CTSC: variants seen among roughly 807,000 people sequenced by gnomAD.
CTSC encodes the protein cathepsin C.
A neutral mutation model predicts 40.9 loss-of-function variants in CTSC; 37 were observed. That is an observed-to-expected ratio of 0.91 (90% CI 0.70 to 1.19). CTSC has a LOEUF of 1.19. CTSC is among the 50% of genes most tolerant of loss of function. The probability of loss-of-function intolerance (pLI) is 0.00; values close to 1 mark genes in which losing one functional copy is unlikely to be tolerated. For missense variants in CTSC, 594 were observed against 567.3 expected, an observed-to-expected ratio of 1.05 and a Z score of -0.48; for synonymous variants, 232 against 207.4, an observed-to-expected ratio of 1.12 and a Z score of -1.02.
chr11:88,298,287 G>A (rs1298737750), intron 5 of CTSC: 1 of 152,140 alleles, frequency 6.6e-6, no homozygotes, highest in African/African-American at 2.4e-5. Flanking sequence ...CAGCATAGCT[G>A]GGAGAAGAAC....
At chr11:88,327,503 G>A (rs901114622) in intron 2 of CTSC, among the ~76,000 whole-genome samples, 3 of 152,142 alleles carry the variant, frequency 2.0e-5, no homozygotes, top group African/African-American at 7.2e-5. Flanking sequence ...GATCCAGTGT[G>A]AGCAATGATT....
At chr11:88,304,354 C>A (rs1157932108) in intron 4 of CTSC, among the ~76,000 whole-genome samples, 2 of 152,096 alleles carry the variant, frequency 1.3e-5, no homozygotes, top group Admixed American at 6.5e-5. Flanking sequence ...ACATTCATAT[C>A]ATTAACAGGA....
chr11:88,335,087 A>AC lies in CTSC; in HGVS notation c.173-6_173-5insG. ...CTACTTTTTTTTCTTGTGGTCCTAA[A>AC]GAAAAAAAAAAAAAGCACAATAAAG... On this transcript the variant is annotated splice_polypyrimidine_tract_variant and splice_region_variant and intron_variant, in intron 1 of 6. Transcript: ENST00000227266. 13 of 1,577,602 alleles carry AC rather than the reference A, an allele frequency of 8.2e-6. No individual in the cohort carries two copies. Among genetic ancestry groups the AC allele is most frequent in the South Asian group, 2.3e-5 (2 of 88,730 alleles).
At chr11:88,330,140 T>A (rs1312525820) in intron 2 of CTSC, among the ~76,000 whole-genome samples, 2 of 152,224 alleles carry the variant, frequency 1.3e-5, no homozygotes, top group East Asian at 1.9e-4. Flanking sequence ...TCTTTTGTTT[T>A]GGCCAGCCCA....
intron 2 of CTSC, among the ~76,000 whole-genome samples, chr11:88,330,087 C>T (rs1333063174): frequency 6.6e-6 from 1 of 152,162 alleles, no homozygotes; most frequent in Non-Finnish European, 1.5e-5. Flanking sequence ...GTAAATGCTA[C>T]TAAAATCTGA....
rs375115057 is a variant in CTSC at position 88,326,871 on chromosome 11, C to G, written c.318+8066G>C. Reference sequence around the variant, plus strand: ...TACACAACAAATTACCAGGGTTTATCTTTTCTACTGGTGGAGCGGTCTCCC... The same window carrying G: ...TACACAACAAATTACCAGGGTTTATGTTTTCTACTGGTGGAGCGGTCTCCC... On this transcript the variant is annotated intron_variant, in intron 2 of 6. Transcript: ENST00000227266. Among the ~76,000 whole-genome samples, 5 of 152,236 alleles carry G rather than the reference C, an allele frequency of 3.3e-5. No individual in the cohort carries two copies. The East Asian group carries it at 7.7e-4, about 23-fold the overall frequency.
chr11:88,299,559 A>T (rs1167068059), intron 5 of CTSC: 2 of 152,238 alleles, frequency 1.3e-5, no homozygotes, highest in African/African-American at 4.8e-5. Flanking sequence ...ACACTGCAAG[A>T]ATTCAGTGAG....
chr11:88,307,290 G>A (rs1937655756), intron 4 of CTSC, among the ~76,000 whole-genome samples: 2 of 152,188 alleles, frequency 1.3e-5, no homozygotes, highest in South Asian at 4.2e-4. Flanking sequence ...TTAGTCACAT[G>A]ATCCTAAAGC....
chr11:88,307,065 T>G (rs1180778315), intron 4 of CTSC, among the ~76,000 whole-genome samples: 3 of 152,216 alleles, frequency 2.0e-5, no homozygotes, highest in Non-Finnish European at 4.4e-5. Context: ...AAGGGAACTC[T>G]CACATTTCAA....
intron 5 of CTSC, chr11:88,297,211 C>T (rs966776720): frequency 6.6e-6 from 1 of 152,184 alleles, no homozygotes; most frequent in Non-Finnish European, 1.5e-5. Context: ...AGTCACTAGA[C>T]AGGGCAAAAT....
rs756192591 is a variant in CTSC at position 88,328,347 on chromosome 11, G to A, written c.318+6590C>T. ...TACTCTTACAAGTAAACCCAAAGTT[G>A]TTTAAAACAAAACAAAAAAAAGACA... On this transcript the variant is annotated intron_variant, in intron 2 of 6. Transcript: ENST00000227266. 11 of 653,028 alleles carry A rather than the reference G, an allele frequency of 1.7e-5. No homozygotes were observed. The Middle Eastern group carries it at 1.4e-3, about 85-fold the overall frequency. 40.5% of individuals were successfully genotyped at this position (653,028 alleles called of 1,614,324 possible). A position where few individuals can be genotyped will look rare whatever the true frequency, so the allele number is the denominator to read the frequency against.
At chr11:88,332,047 T>C (rs554616957) in intron 2 of CTSC, among the ~76,000 whole-genome samples, 3 of 152,264 alleles carry the variant, frequency 2.0e-5, no homozygotes, top group Non-Finnish European at 2.9e-5. Flanking sequence ...ATCTGAAGCA[T>C]ATATAAAGAG....
chr11:88,329,496 G>C (rs1369112227), intron 2 of CTSC, among the ~76,000 whole-genome samples: 2 of 146,576 alleles, frequency 1.4e-5, no homozygotes, highest in African/African-American at 5.0e-5. Context: ...CTATTCAACA[G>C]GAGGTCATTT....
chr11:88,329,254 G>A (rs1311890630), intron 2 of CTSC, among the ~76,000 whole-genome samples: 1 of 152,000 alleles, frequency 6.6e-6, no homozygotes, highest in Non-Finnish European at 1.5e-5. Flanking sequence ...GGTCCAGGCG[G>A]GCGGATCACT....
intron 2 of CTSC, 174 bp downstream of exon 2, chr11:88,334,763 A>G: frequency 1.7e-6 from 1 of 594,216 alleles, no homozygotes; most frequent in Non-Finnish European, 3.0e-6. Context: ...TACTAAAATC[A>G]TAATTTTAAA....
intron 3 of CTSC, 98 bp from the exon 4 acceptor site, chr11:88,309,416 G>T: frequency 9.6e-7 from 1 of 1,045,186 alleles, no homozygotes; most frequent in Non-Finnish European, 1.5e-6. Context: ...GTGGAAAGTG[G>T]TACAATCTTT....
intron 1 of CTSC, 120 bp from the exon 2 acceptor site, chr11:88,335,202 C>A: frequency 1.4e-6 from 1 of 734,262 alleles, no homozygotes; most frequent in South Asian, 1.6e-5. Flanking sequence ...AGTTTGAGCA[C>A]AGTCTGCCTA....
intron 6 of CTSC, 120 bp from the exon 7 acceptor site, chr11:88,294,628 A>C (rs1160508685): frequency 9.1e-7 from 1 of 1,098,214 alleles, no homozygotes; most frequent in Non-Finnish European, 1.3e-6. Context: ...TTCTTAGCTT[A>C]AGCATCACTT....
chr11:88,333,843 G>A (rs553013827), intron 2 of CTSC, among the ~76,000 whole-genome samples: 1 of 152,108 alleles, frequency 6.6e-6, no homozygotes, highest in South Asian at 2.1e-4. Flanking sequence ...TATCACACCA[G>A]CAAATCCAGT....
Sources: gnomAD v4.1 joint callset for allele counts (sites outside exome capture counted in the v4.1 genomes callset) on GRCh38, gnomAD v4.1.1 for gene constraint, MANE v1.5 for transcripts, NCBI Gene and HGNC (gene_info 2026-07-23, HGNC 2026-07-21) for gene names.